Variants in SPOPL observed in about 807,000 individuals in gnomAD.
The protein encoded by SPOPL is speckle type BTB/POZ protein like.
In SPOPL, 23 loss-of-function variants were observed where a neutral mutation model predicts 53.8. The ratio of observed to expected loss-of-function variants is 0.43; its 90% CI spans 0.31 to 0.61. The LOEUF is 0.61. Ranked by LOEUF, SPOPL falls within the 20% of genes least tolerant of loss-of-function variation. The pLI is 0.12. For missense variants in SPOPL, 442 were observed against 466.9 expected, an observed-to-expected ratio of 0.95 and a Z score of 0.49; for synonymous variants, 164 against 149.7, an observed-to-expected ratio of 1.10 and a Z score of -0.70.
In SPOPL at chr2:138,570,621, A is replaced by G. The variant is rs1685760503; in HGVS notation, c.*1541A>G. The G allele has an allele frequency of 1.3e-5, 2 of 152,156 alleles. No individual in the cohort carries two copies. Among genetic ancestry groups the G allele is most frequent in the Admixed American group, 1.3e-4 (2 of 15,256 alleles). The allele number at this position is 152,156 out of a possible 1,614,324, so 9.4% of individuals were successfully genotyped here. On this transcript the variant is annotated 3_prime_UTR_variant, in exon 11 of 11. Coordinates refer to ENST00000280098, the MANE Select transcript of SPOPL (RefSeq NM_001001664.3). ...GGAAAAAGTGTGTCACTGGAAAAAAACGCATATACCTATGTTTGCAAACAT... is the reference window on the plus strand; with the variant it reads ...GGAAAAAGTGTGTCACTGGAAAAAAGCGCATATACCTATGTTTGCAAACAT...
rs1007497806 is a variant in SPOPL, at chr2:138,571,891, C to G, written c.*2811C>G. ...TTAATGTGTGTTGATATTTGGAGCA[C>G]AAATAATGAAGGTGCCATAATATGG... On this transcript the variant is annotated 3_prime_UTR_variant, in exon 11 of 11. Transcript: ENST00000280098. The G allele has an allele frequency of 1.3e-5, 2 of 152,518 alleles. No homozygotes were observed. The highest frequency in any genetic ancestry group is 2.9e-5 in the Non-Finnish European group (2 of 68,002). The allele number at this position is 152,518 out of a possible 1,614,324, so 9.4% of individuals were successfully genotyped here. A position where few individuals can be genotyped will look rare whatever the true frequency, so the allele number is the denominator to read the frequency against.
At chr2:138,532,962 C>T (rs1684845507) in intron 1 of SPOPL, among the ~76,000 whole-genome samples, 1 of 152,152 alleles carries the variant, frequency 6.6e-6, no homozygotes, top group Non-Finnish European at 1.5e-5. Context: ...CCCATGGTAG[C>T]CTCTAAGTAC....
At chr2:138,557,072 CATGAATGCAGGAG>C (rs1158371303) in intron 5 of SPOPL, among the ~76,000 whole-genome samples, 2 of 152,080 alleles carry the variant, frequency 1.3e-5, no homozygotes, top group Non-Finnish European at 2.9e-5. Flanking sequence ...AGGAGAATGG[CATGAATGCAGGAG>C]GCGGAGCTTG....
chr2:138,555,471 TAAATGACACCAATCTATGAA>T (rs1276488442), intron 5 of SPOPL, among the ~76,000 whole-genome samples: 1 of 152,062 alleles, frequency 6.6e-6, no homozygotes, highest in Non-Finnish European at 1.5e-5. Flanking sequence ...ATTTTTTTTT[TAAATGACACCAATCTATGAA>T]AATCAAAAAG....
chr2:138,534,231 G>T (rs192466213), intron 1 of SPOPL, among the ~76,000 whole-genome samples: 1 of 152,022 alleles, frequency 6.6e-6, no homozygotes, highest in Non-Finnish European at 1.5e-5. Flanking sequence ...TGTATCCACC[G>T]ATTCTGCATC....
In SPOPL at chr2:138,552,156, T is replaced by G. The variant is rs546494525; in HGVS notation, c.353-398T>G. Among the ~76,000 whole-genome samples, 6 of 152,104 alleles carry G rather than the reference T, an allele frequency of 3.9e-5. No homozygotes were observed. The South Asian group carries it at 1.2e-3, about 32-fold the overall frequency. On this transcript the variant is annotated intron_variant, in intron 4 of 10. Coordinates refer to ENST00000280098, the MANE Select transcript of SPOPL (RefSeq NM_001001664.3). ...CATTTTTGAAGGGAGAAGCAGGAAATAAGATGTATGTTTCTTACCAGATTC... is the reference window on the plus strand; with the variant it reads ...CATTTTTGAAGGGAGAAGCAGGAAAGAAGATGTATGTTTCTTACCAGATTC...
chr2:138,540,797 G>A (rs1164487533), intron 1 of SPOPL, among the ~76,000 whole-genome samples: 2 of 152,184 alleles, frequency 1.3e-5, no homozygotes, highest in Non-Finnish European at 2.9e-5. Context: ...GGAGTGGTGA[G>A]GGAGGCCATC....
Position 138,537,072 on chromosome 2 carries a change from G to A in SPOPL, c.-60-13085G>A, listed in dbSNP as rs573303671. ...AGCCTCCACCTTTCCGGCAGTGACA[G>A]ATTTGAAGAAGGGAGCCAGCCCCTT... On this transcript the variant is annotated intron_variant, in intron 1 of 10. Coordinates refer to ENST00000280098, the MANE Select transcript of SPOPL (RefSeq NM_001001664.3). 2.7e-4 allele frequency among the ~76,000 whole-genome samples: 41 copies of A among 152,286 alleles called. 1 individual carries two copies. In the South Asian group the frequency reaches 8.5e-3, roughly 32 times the overall value.
At chr2:138,532,517 C>CCCG (rs1251990661) in intron 1 of SPOPL, among the ~76,000 whole-genome samples, 1 of 149,788 alleles carries the variant, frequency 6.7e-6, no homozygotes, top group Non-Finnish European at 1.5e-5. Flanking sequence ...AGCTCTGCCT[C>CCCG]CCGGGTTCAC....
At chr2:138,550,018 AT>A (rs1276442871) in intron 1 of SPOPL, 138 bp from the exon 2 acceptor site, 3 of 496,722 alleles carry the variant, frequency 6.0e-6, no homozygotes, top group Admixed American at 3.3e-5. Context: ...AAATCATTAA[AT>A]TTATCTAAAA....
chr2:138,564,229 T>C lies in SPOPL; in HGVS notation c.838-479T>C, dbSNP rs949706563. Reference sequence around the variant, plus strand: ...CAGAAGGTGAACCTTATGTGTACTTTATTGTGTGTCAGTTATACCTTAGTA... The same window carrying C: ...CAGAAGGTGAACCTTATGTGTACTTCATTGTGTGTCAGTTATACCTTAGTA... On this transcript the variant is annotated intron_variant, in intron 8 of 10. Transcript: ENST00000280098. Among the ~76,000 whole-genome samples, 3 of 152,248 alleles carry C rather than the reference T, an allele frequency of 2.0e-5. No homozygotes were observed. The South Asian group carries it at 6.2e-4, about 32-fold the overall frequency.
chr2:138,554,391 C>A, intron 5 of SPOPL: 1 of 1,088,566 alleles, frequency 9.2e-7, no homozygotes, highest in Non-Finnish European at 1.2e-6. Context: ...TTCTTCATGC[C>A]CTCCACTGTT....
rs764602941 is a variant in SPOPL, at chr2:138,550,927, A to G, written c.225A>G (p.Gly75=). Residue 75 remains glycine (G), a synonymous_variant, in exon 4 of 11, where the codon GGA becomes GGG. Coordinates refer to ENST00000280098, the MANE Select transcript of SPOPL (RefSeq NM_001001664.3). The part of the protein sequence containing the change: ...MKWCLRVNPK[G]LDDESKDYLS... ...GGTGCCTGAGGGTAAACCCAAAGGG[A>G]TTAGATGATGAAAGTAAAGACTACT... 5 of 1,612,686 alleles carry G rather than the reference A, an allele frequency of 3.1e-6. No homozygotes were observed. The highest frequency in any genetic ancestry group is 3.3e-5 in the Admixed American group (2 of 59,886).
At chr2:138,525,491 C>CT (rs1448526338) in intron 1 of SPOPL, among the ~76,000 whole-genome samples, 2 of 151,676 alleles carry the variant, frequency 1.3e-5, no homozygotes, top group African/African-American at 4.8e-5. Flanking sequence ...TTATATACTG[C>CT]TTTTTTTTCC....
At chr2:138,512,211 TTAATG>T (rs1415374481) in intron 1 of SPOPL, among the ~76,000 whole-genome samples, 2 of 152,208 alleles carry the variant, frequency 1.3e-5, no homozygotes, top group African/African-American at 4.8e-5. Flanking sequence ...TCTTTTAAAA[TTAATG>T]TAAGATTGCA....
chr2:138,521,582 CT>C (rs1001011634), intron 1 of SPOPL, among the ~76,000 whole-genome samples: 1 of 151,958 alleles, frequency 6.6e-6, no homozygotes, highest in African/African-American at 2.4e-5. Flanking sequence ...TGGGAGAACC[CT>C]GGCAGTAAGT....
intron 1 of SPOPL, among the ~76,000 whole-genome samples, chr2:138,536,376 G>T (rs998723176): frequency 1.1e-4 from 17 of 151,438 alleles, no homozygotes; most frequent in Admixed American, 7.2e-4. Flanking sequence ...ACAGTGTTAA[G>T]CCTCTGATGT....
At position 138,559,196 on chromosome 2, in the gene SPOPL, G is replaced by A. The variant is rs200020302; in HGVS notation, c.655G>A (p.Ala219Thr). 25 of 1,612,928 alleles carry A rather than the reference G, an allele frequency of 1.5e-5. No individual in the cohort carries two copies. The highest frequency in any genetic ancestry group is 2.2e-5 in the East Asian group (1 of 44,802). Residue 219 changes from alanine (A) to threonine (T), a missense_variant, in exon 6 of 11, where the codon GCA becomes ACA. Physicochemically the swap from Ala to Thr is moderately conservative, Grantham distance 58 (BLOSUM62 0). Coordinates refer to ENST00000280098, the MANE Select transcript of SPOPL (RefSeq NM_001001664.3). ...ATTTAAAGCTCATAAATCTGTGCTT[G>A]CAGGTACTTTCTAGTTATGGGGTAA... Reference protein sequence around the residue: ...QEFKAHKSVLAARSPVFNAMF... With the variant: ...QEFKAHKSVLTARSPVFNAMF...
intron 1 of SPOPL, among the ~76,000 whole-genome samples, chr2:138,543,136 T>C (rs1316671330): frequency 6.6e-6 from 1 of 152,244 alleles, no homozygotes; most frequent in African/African-American, 2.4e-5. Context: ...CCTTTGTGGG[T>C]AACCTGACCT....
Sources: allele counts gnomAD v4.1 joint callset (sites outside exome capture counted in the v4.1 genomes callset), GRCh38; gene constraint gnomAD v4.1.1; transcripts MANE v1.5; gene names NCBI Gene and HGNC (gene_info 2026-07-23, HGNC 2026-07-21).